Variants in SUPT3H observed in about 807,000 individuals in gnomAD.
The protein encoded by SUPT3H is SPT3 homolog, SAGA and STAGA complex component.
In SUPT3H, 44 loss-of-function variants were observed where a neutral mutation model predicts 44.3. That is an observed-to-expected ratio of 0.99 (90% CI 0.78 to 1.28). SUPT3H has a LOEUF of 1.28. Among genes scored for constraint, SUPT3H ranks in the 50% most tolerant of loss-of-function variants. The pLI is 0.00. For synonymous variants in SUPT3H, 124 were observed against 125.6 expected, an observed-to-expected ratio of 0.99 and a Z score of 0.09; for missense variants, 380 against 387.1, an observed-to-expected ratio of 0.98 and a Z score of 0.15.
chr6:45,204,613 G>GA lies in SUPT3H; in HGVS notation c.102-98608dup, dbSNP rs564508935. On this transcript the variant is annotated intron_variant, in intron 2 of 10. Coordinates refer to ENST00000371459, the MANE Select transcript of SUPT3H (RefSeq NM_003599.4). ...CAATCTTATGTGTTTTTAACATATC[G>GA]AGTCATCACATAACATTTCATTTGG... Among the ~76,000 whole-genome samples the GA allele has an allele frequency of 3.9e-5, 6 of 152,178 alleles. 1 individual carries two copies. The South Asian group carries it at 1.2e-3, about 32-fold the overall frequency.
chr6:44,909,012 T>C (rs954663016), intron 10 of SUPT3H, among the ~76,000 whole-genome samples: 1 of 152,162 alleles, frequency 6.6e-6, no homozygotes, highest in Non-Finnish European at 1.5e-5. Context: ...CAGATAATTC[T>C]ATGTATATAC....
At chr6:45,057,965 T>C (rs1791391209) in intron 3 of SUPT3H, among the ~76,000 whole-genome samples, 3 of 152,090 alleles carry the variant, frequency 2.0e-5, no homozygotes. Flanking sequence ...TACGTGAAAA[T>C]GTTGACAATT....
intron 2 of SUPT3H, among the ~76,000 whole-genome samples, chr6:45,293,790 A>T (rs1780684381): frequency 6.6e-6 from 1 of 152,114 alleles, no homozygotes. Context: ...AAATCAGGAT[A>T]AATTAGATAC....
At chr6:44,887,299 A>G (rs931607843) in intron 10 of SUPT3H, among the ~76,000 whole-genome samples, 2 of 152,146 alleles carry the variant, frequency 1.3e-5, no homozygotes, top group Non-Finnish European at 2.9e-5. Flanking sequence ...CCCCACTGCA[A>G]ATCAACAGAA....
At chr6:45,061,406 T>A (rs952757573) in intron 3 of SUPT3H, among the ~76,000 whole-genome samples, 2 of 152,058 alleles carry the variant, frequency 1.3e-5, no homozygotes, top group Admixed American at 1.3e-4. Flanking sequence ...TGAGAACACG[T>A]AGAAACACTG....
At chr6:45,280,649 G>T (rs557817687) in intron 2 of SUPT3H, among the ~76,000 whole-genome samples, 1 of 152,110 alleles carries the variant, frequency 6.6e-6, no homozygotes, top group Non-Finnish European at 1.5e-5. Context: ...AACACGTGAG[G>T]ATTATTATTA....
At chr6:45,078,944 T>C (rs1280293057) in intron 3 of SUPT3H, among the ~76,000 whole-genome samples, 1 of 152,226 alleles carries the variant, frequency 6.6e-6, no homozygotes, top group African/African-American at 2.4e-5. Flanking sequence ...GAATCTAACA[T>C]GGGACATTTG....
intron 2 of SUPT3H, among the ~76,000 whole-genome samples, chr6:45,224,276 T>C (rs1217690418): frequency 6.6e-6 from 1 of 152,004 alleles, no homozygotes. Context: ...CCCTCTAAAA[T>C]GCATAAAATT....
At chr6:44,982,326 C>T (rs902467209) in intron 6 of SUPT3H, among the ~76,000 whole-genome samples, 2 of 152,108 alleles carry the variant, frequency 1.3e-5, no homozygotes, top group African/African-American at 4.8e-5. Context: ...TGGGTTCACA[C>T]CATTTTCCTG....
chr6:45,190,606 T>C (rs1364582888), intron 2 of SUPT3H, among the ~76,000 whole-genome samples: 2 of 152,122 alleles, frequency 1.3e-5, no homozygotes, highest in East Asian at 3.8e-4. Context: ...AAAACGTAGA[T>C]AGTTTATAAG....
In SUPT3H at chr6:45,156,266, T is replaced by C. The variant is rs577299123; in HGVS notation, c.102-50260A>G. 2.8e-4 allele frequency among the ~76,000 whole-genome samples: 43 copies of C among 152,282 alleles called. 1 individual carries two copies. The South Asian group carries it at 5.4e-3, about 19-fold the overall frequency. Reference sequence around the variant, plus strand: ...GAAACCCACATCCTAAGCCACAGAATACAGCCACCTGGTTTTACTCTTATC... The same window carrying C: ...GAAACCCACATCCTAAGCCACAGAACACAGCCACCTGGTTTTACTCTTATC... On this transcript the variant is annotated intron_variant, in intron 2 of 10. Coordinates refer to ENST00000371459, the MANE Select transcript of SUPT3H (RefSeq NM_003599.4).
chr6:44,814,251 A>G (rs1375000461), intron 11 of SUPT3H, among the ~76,000 whole-genome samples: 1 of 152,162 alleles, frequency 6.6e-6, no homozygotes, highest in Non-Finnish European at 1.5e-5. Context: ...ACAATTGAAA[A>G]CGAACCAGCC....
At chr6:45,003,442 CAG>C (rs1209966094) in intron 6 of SUPT3H, among the ~76,000 whole-genome samples, 4 of 152,024 alleles carry the variant, frequency 2.6e-5, no homozygotes, top group African/African-American at 9.7e-5. Context: ...AATAAGGAAA[CAG>C]AAAACAGAAG....
chr6:44,859,135 A>G (rs764477215), intron 10 of SUPT3H, among the ~76,000 whole-genome samples: 21 of 152,210 alleles, frequency 1.4e-4, no homozygotes, highest in Non-Finnish European at 1.8e-4. Flanking sequence ...CACAACTGAC[A>G]GTCTGTTCTC....
intron 10 of SUPT3H, among the ~76,000 whole-genome samples, chr6:44,930,363 AGAGT>A (rs1321409326): frequency 6.7e-6 from 1 of 150,192 alleles, no homozygotes; most frequent in Non-Finnish European, 1.5e-5. Flanking sequence ...CCTGGGTGAC[AGAGT>A]GAGACTCCGT....
chr6:44,924,335 T>C (rs1204786979), intron 10 of SUPT3H, among the ~76,000 whole-genome samples: 4 of 152,106 alleles, frequency 2.6e-5, no homozygotes, highest in African/African-American at 9.7e-5. Context: ...TGGACATTAA[T>C]GGATATAATA....
At chr6:45,008,561 C>T (rs1783036311) in intron 5 of SUPT3H, among the ~76,000 whole-genome samples, 1 of 151,802 alleles carries the variant, frequency 6.6e-6, no homozygotes, top group Non-Finnish European at 1.5e-5. Context: ...TGCTTTGTTG[C>T]CCAGGCTGGT....
intron 2 of SUPT3H, among the ~76,000 whole-genome samples, chr6:45,304,657 A>G (rs1048466908): frequency 3.3e-5 from 5 of 152,220 alleles, no homozygotes; most frequent in African/African-American, 1.2e-4. Context: ...GTGAGAAAAT[A>G]AAAGAAGTAG....
chr6:44,943,047 T>C (rs942376546), intron 9 of SUPT3H, among the ~76,000 whole-genome samples: 4 of 152,148 alleles, frequency 2.6e-5, no homozygotes, highest in African/African-American at 9.7e-5. Context: ...TTATATTCAA[T>C]GGAGACCAAG....
Sources: allele counts gnomAD v4.1 joint callset (sites outside exome capture counted in the v4.1 genomes callset), GRCh38; gene constraint gnomAD v4.1.1; transcripts MANE v1.5; gene names NCBI Gene and HGNC (gene_info 2026-07-23, HGNC 2026-07-21).